MUSK: variants seen among roughly 807,000 people sequenced by gnomAD.
MUSK encodes muscle, skeletal receptor tyrosine-protein kinase.
MUSK carries 55 observed loss-of-function variants against 88.7 expected under a neutral mutation model. The observed-to-expected ratio is 0.62, with a 90% CI of 0.50 to 0.78. MUSK has a LOEUF of 0.78. Among genes scored for constraint, MUSK ranks in the 30% least tolerant of loss-of-function variants. MUSK has a pLI of 0.00. For synonymous variants in MUSK, 387 were observed against 391.9 expected (o/e 0.99, Z 0.15); for missense variants, 1,015 against 1,074.3 (o/e 0.94, Z 0.77).
In MUSK at chr9:110,747,679, A is replaced by C; in HGVS notation, c.792A>C (p.Arg264=). 5.0e-6 allele frequency: 8 copies of C among 1,613,812 alleles called. No individual in the cohort carries two copies. The highest frequency in any genetic ancestry group is 6.8e-6 in the Non-Finnish European group (8 of 1,179,764). ...SGSIQESVKD[R]VIDSRLQLFI... ...CCATTCAAGAGAGTGTGAAAGACCG[A>C]GTGATTGACTCAAGACTGCAGCTGT... Residue 264 remains arginine (R), a synonymous_variant, in exon 7 of 15, where the codon CGA becomes CGC. Coordinates refer to ENST00000374448, the MANE Select transcript of MUSK (RefSeq NM_005592.4).
chr9:110,712,950 C>T (rs2076692118), intron 5 of MUSK, among the ~76,000 whole-genome samples: 1 of 151,910 alleles, frequency 6.6e-6, no homozygotes, highest in Non-Finnish European at 1.5e-5. Flanking sequence ...ATACACAGGA[C>T]AGAGGAGATA....
intron 11 of MUSK, among the ~76,000 whole-genome samples, chr9:110,781,535 C>A (rs564623750): frequency 6.6e-6 from 1 of 152,310 alleles, no homozygotes; most frequent in Admixed American, 6.5e-5. Flanking sequence ...CTTAGCCTCC[C>A]AAAGTGCTGG....
chr9:110,782,579 G>T (rs1002620420), intron 11 of MUSK, among the ~76,000 whole-genome samples: 1 of 152,052 alleles, frequency 6.6e-6, no homozygotes, highest in Admixed American at 6.5e-5. Context: ...TCCCTCACAT[G>T]TTATATATGG....
chr9:110,787,018 G>A (rs1347146609), intron 13 of MUSK, among the ~76,000 whole-genome samples: 1 of 152,150 alleles, frequency 6.6e-6, no homozygotes, highest in Non-Finnish European at 1.5e-5. Flanking sequence ...ACAAAGATGA[G>A]TAAGCCATAG....
At chr9:110,707,819 G>A (rs1311617863) in intron 5 of MUSK, among the ~76,000 whole-genome samples, 1 of 152,162 alleles carries the variant, frequency 6.6e-6, no homozygotes, top group East Asian at 1.9e-4. Flanking sequence ...GCTTTGAAAA[G>A]CAGCCTCTTG....
At chr9:110,740,622 G>C (rs1341777667) in intron 6 of MUSK, among the ~76,000 whole-genome samples, 2 of 152,134 alleles carry the variant, frequency 1.3e-5, no homozygotes, top group Admixed American at 1.3e-4. Context: ...CTTAAAGCAG[G>C]AAGTTACCCT....
intron 5 of MUSK, among the ~76,000 whole-genome samples, chr9:110,722,966 G>T (rs1395614918): frequency 6.6e-6 from 1 of 152,072 alleles, no homozygotes; most frequent in Non-Finnish European, 1.5e-5. Flanking sequence ...ATGGAAAACA[G>T]TGTGGTGATT....
At chr9:110,704,984 CAA>C (rs35622904) in intron 5 of MUSK, among the ~76,000 whole-genome samples, 6 of 112,030 alleles carry the variant, frequency 5.4e-5, no homozygotes, top group Admixed American at 9.9e-5. Flanking sequence ...GATTCCATCT[CAA>C]AAAAAAAAAA....
At chr9:110,686,412 T>C (rs1047113066) in intron 2 of MUSK, among the ~76,000 whole-genome samples, 1 of 151,960 alleles carries the variant, frequency 6.6e-6, no homozygotes, top group African/African-American at 2.4e-5. Flanking sequence ...TCTGTGGGAG[T>C]GTTATTCTGC....
intron 8 of MUSK, among the ~76,000 whole-genome samples, chr9:110,766,824 T>C (rs906088823): frequency 6.6e-6 from 1 of 152,210 alleles, no homozygotes; most frequent in African/African-American, 2.4e-5. Flanking sequence ...CTATGGAAGA[T>C]CTGATAGAAC....
chr9:110,748,352 ATTTC>A (rs1478071267), intron 7 of MUSK, among the ~76,000 whole-genome samples: 1 of 151,900 alleles, frequency 6.6e-6, no homozygotes, highest in Non-Finnish European at 1.5e-5. Context: ...CTGCATGGCT[ATTTC>A]TTGCGGGCAT....
chr9:110,788,722 T>G (rs776548745), intron 14 of MUSK, among the ~76,000 whole-genome samples: 2 of 149,946 alleles, frequency 1.3e-5, no homozygotes, highest in Non-Finnish European at 3.0e-5. Flanking sequence ...AACAAAAATA[T>G]GGGATGCTGG....
rs538896123 is a variant in MUSK at position 110,769,814 on chromosome 9, G to A, written c.1184+1731G>A. The stretch of plus-strand genomic sequence containing the variant: ...TACTAACATAATTTGTGGTGGCCAC[G>A]GGATAGTTATCATACTTACACAGTG... On this transcript the variant is annotated intron_variant, in intron 9 of 14. Coordinates refer to ENST00000374448, the MANE Select transcript of MUSK (RefSeq NM_005592.4). Among the ~76,000 whole-genome samples, 11 of 150,904 alleles carry A rather than the reference G, an allele frequency of 7.3e-5. No homozygotes were observed. The East Asian group carries it at 1.8e-3, about 24-fold the overall frequency.
chr9:110,747,500 G>A (rs897928703), intron 6 of MUSK, 141 bp from the exon 7 acceptor site: 1 of 787,272 alleles, frequency 1.3e-6, no homozygotes, highest in Non-Finnish European at 2.0e-6. Context: ...CATGGACACA[G>A]GGAGGGAAAA....
At chr9:110,766,369 C>G (rs1313480838) in intron 8 of MUSK, among the ~76,000 whole-genome samples, 1 of 152,122 alleles carries the variant, frequency 6.6e-6, no homozygotes, top group East Asian at 1.9e-4. Flanking sequence ...CTCACCTTTA[C>G]CTTGAGAAAG....
chr9:110,689,859 T>A, intron 3 of MUSK, among the ~76,000 whole-genome samples: 1 of 88,418 alleles, frequency 1.1e-5, no homozygotes, highest in Non-Finnish European at 2.0e-5. Flanking sequence ...TATATAACTA[T>A]ATATTTAAAT....
At chr9:110,757,732 C>T (rs73542115) in intron 7 of MUSK, among the ~76,000 whole-genome samples, 4,356 of 151,168 alleles carry the variant, frequency 0.029, 207 homozygotes, top group African/African-American at 0.1. Context: ...ATTAAAAAAA[C>T]GAACCTTTTG....
chr9:110,774,368 T>A (rs1476243674), intron 9 of MUSK, among the ~76,000 whole-genome samples: 1 of 152,246 alleles, frequency 6.6e-6, no homozygotes, highest in East Asian at 1.9e-4. Flanking sequence ...TCATCTTGAT[T>A]TGTTTTTTCT....
At chr9:110,774,393 C>T (rs1244236144) in intron 9 of MUSK, among the ~76,000 whole-genome samples, 1 of 152,080 alleles carries the variant, frequency 6.6e-6, no homozygotes, top group Non-Finnish European at 1.5e-5. Flanking sequence ...AAAAACTCTG[C>T]TATAGAGGGC....
Sources: allele counts gnomAD v4.1 joint callset (sites outside exome capture counted in the v4.1 genomes callset), GRCh38; gene constraint gnomAD v4.1.1; transcripts MANE v1.5; gene names NCBI Gene and HGNC (gene_info 2026-07-23, HGNC 2026-07-21).